ZFHX3: variants seen among roughly 807,000 people sequenced by gnomAD.
ZFHX3 encodes the protein zinc finger homeobox protein 3.
Under a neutral mutation model 279.1 loss-of-function variants are expected in ZFHX3, and 42 were observed. That is an observed-to-expected ratio of 0.15 (90% CI 0.12 to 0.19). ZFHX3 has a LOEUF of 0.19. ZFHX3 is among the 10% of genes least tolerant of loss of function. The pLI is 1.00. For missense variants in ZFHX3, 4,981 were observed against 4,754.0 expected (o/e 1.05, Z -1.40); for synonymous variants, 2,293 against 1,957.8 (o/e 1.17, Z -4.52).
At chr16:73,025,925 A>T (rs1964480326) in intron 1 of ZFHX3, among the ~76,000 whole-genome samples, 1 of 152,046 alleles carries the variant, frequency 6.6e-6, no homozygotes, top group South Asian at 2.1e-4. Context: ...TGAGACTCAA[A>T]CTTCACCCAA....
intron 1 of ZFHX3, among the ~76,000 whole-genome samples, chr16:73,743,005 T>G (rs1420336002): frequency 6.6e-6 from 1 of 152,212 alleles, no homozygotes; most frequent in Non-Finnish European, 1.5e-5. Context: ...TCCTTTATAA[T>G]TTCATCCTTC....
At chr16:73,180,422 C>T (rs137983057) in intron 5 of ZFHX3, among the ~76,000 whole-genome samples, 6 of 152,300 alleles carry the variant, frequency 3.9e-5, no homozygotes, top group East Asian at 3.9e-4. Flanking sequence ...GTATACTCTA[C>T]CTGCCAGCAG....
chr16:73,749,389 G>A (rs2053737294), intron 1 of ZFHX3, among the ~76,000 whole-genome samples: 1 of 151,882 alleles, frequency 6.6e-6, no homozygotes, highest in Non-Finnish European at 1.5e-5. Context: ...TACCTTCCAG[G>A]CAGGGTTCCC....
intron 1 of ZFHX3, among the ~76,000 whole-genome samples, chr16:73,058,247 GGCGGCGGCGGCA>G (rs1965608438): frequency 1.4e-5 from 2 of 145,844 alleles, no homozygotes; most frequent in South Asian, 4.2e-4. Flanking sequence ...GCTCGGCGGC[GGCGGCGGCGGCA>G]GCGGCGGGAG....
At chr16:73,821,640 G>T (rs1041308954) in intron 1 of ZFHX3, among the ~76,000 whole-genome samples, 1 of 152,232 alleles carries the variant, frequency 6.6e-6, no homozygotes, top group African/African-American at 2.4e-5. Flanking sequence ...ACCTGTGTCT[G>T]CCCTGAATAG....
chr16:73,820,241 C>A (rs192158113), intron 1 of ZFHX3, among the ~76,000 whole-genome samples: 1 of 152,236 alleles, frequency 6.6e-6, no homozygotes, highest in African/African-American at 2.4e-5. Flanking sequence ...AGGCGCCCAC[C>A]ACCACACTTG....
At chr16:73,337,896 G>GA (rs111719102) in intron 3 of ZFHX3, among the ~76,000 whole-genome samples, 4 of 145,316 alleles carry the variant, frequency 2.8e-5, no homozygotes, top group African/African-American at 5.0e-5. Flanking sequence ...CCTTGGCGGG[G>GA]GGGGGGGTCC....
At chr16:73,284,306 G>A (rs1597261573) in intron 4 of ZFHX3, among the ~76,000 whole-genome samples, 2 of 102,366 alleles carry the variant, frequency 2.0e-5, no homozygotes, top group Admixed American at 1.5e-4. Flanking sequence ...AACAGAGTGA[G>A]ACTCTGTCTC....
chr16:73,248,068 A>G lies in ZFHX3; in HGVS notation c.-1104+8979T>C, dbSNP rs1275848099. ...GTATGTGGAGTGTATAAGTGTGTGTATACTGTATATATAATGTGTGTGTGT... is the reference window on the plus strand; with the variant it reads ...GTATGTGGAGTGTATAAGTGTGTGTGTACTGTATATATAATGTGTGTGTGT... On this transcript the variant is annotated intron_variant, in intron 5 of 17. Transcript: ENST00000641206. Among the ~76,000 whole-genome samples, 3 of 150,152 alleles carry G rather than the reference A, an allele frequency of 2.0e-5. No individual in the cohort carries two copies. The East Asian group carries it at 5.9e-4, about 30-fold the overall frequency.
rs535374534 is a variant in ZFHX3 at position 73,580,307 on chromosome 16, A to G, written c.-1547+99873T>C. ...ATCCTGGCCAACATGGTGAAACCCC[A>G]TCTCTACTAAAAATACAAAAATTAG... On this transcript the variant is annotated intron_variant, in intron 2 of 17. Coordinates refer to the ZFHX3 transcript ENST00000641206. Among the ~76,000 whole-genome samples the G allele has an allele frequency of 6.6e-5, 10 of 151,938 alleles. No individual in the cohort carries two copies. In the South Asian group the frequency reaches 1.7e-3, roughly 25 times the overall value.
chr16:73,417,391 C>CTTTT (rs2017611128), intron 3 of ZFHX3, among the ~76,000 whole-genome samples: 1 of 90,586 alleles, frequency 1.1e-5, no homozygotes, highest in African/African-American at 4.2e-5. Flanking sequence ...GGAATTTTTT[C>CTTTT]TTTTCTTTTT....
At chr16:73,095,705 C>T (rs1292951880) in intron 7 of ZFHX3, among the ~76,000 whole-genome samples, 1 of 152,170 alleles carries the variant, frequency 6.6e-6, no homozygotes, top group Non-Finnish European at 1.5e-5. Flanking sequence ...GGCCTGATGC[C>T]ATTTGGTAAT....
intron 1 of ZFHX3, among the ~76,000 whole-genome samples, chr16:73,876,170 G>A (rs1678362549): frequency 6.6e-6 from 1 of 152,200 alleles, no homozygotes; most frequent in Admixed American, 6.5e-5. Context: ...CGTTAGTAAA[G>A]AGGCACTGAA....
At chr16:73,737,664 A>G (rs1402688074) in intron 1 of ZFHX3, among the ~76,000 whole-genome samples, 2 of 151,604 alleles carry the variant, frequency 1.3e-5, no homozygotes, top group Non-Finnish European at 2.9e-5. Context: ...AGTCATTTCA[A>G]TTTACTTCGG....
chr16:73,483,270 G>A (rs528116499), intron 2 of ZFHX3: 7 of 410,548 alleles, frequency 1.7e-5, no homozygotes, highest in African/African-American at 2.1e-5. Context: ...GGACAAATGC[G>A]TACGCATAGA....
At chr16:73,800,815 A>C (rs1228953141) in intron 1 of ZFHX3, among the ~76,000 whole-genome samples, 1 of 152,106 alleles carries the variant, frequency 6.6e-6, no homozygotes, top group African/African-American at 2.4e-5. Context: ...TCTACCCCCA[A>C]AAGAAAAACA....
chr16:73,281,830 G>A (rs1158852614), intron 4 of ZFHX3, among the ~76,000 whole-genome samples: 1 of 152,044 alleles, frequency 6.6e-6, no homozygotes, highest in Non-Finnish European at 1.5e-5. Context: ...CAAACAAAAG[G>A]CTTGTGAAAC....
chr16:73,785,248 T>C (rs1959608799), intron 1 of ZFHX3, among the ~76,000 whole-genome samples: 1 of 152,236 alleles, frequency 6.6e-6, no homozygotes. Flanking sequence ...AGTTCTTTTG[T>C]ACCAACTTTT....
At chr16:72,918,655 A>C (rs999830680) in intron 3 of ZFHX3, among the ~76,000 whole-genome samples, 1 of 151,366 alleles carries the variant, frequency 6.6e-6, no homozygotes, top group Admixed American at 6.6e-5. Context: ...AGAAATGGAA[A>C]TGTTCAGAGA....
Sources: gnomAD v4.1 joint callset for allele counts (sites outside exome capture counted in the v4.1 genomes callset) on GRCh38, gnomAD v4.1.1 for gene constraint, MANE v1.5 for transcripts, NCBI Gene and HGNC (gene_info 2026-07-23, HGNC 2026-07-21) for gene names.